The following TLCD4 variants were observed in gnomAD, a reference collection of about 807,000 sequenced individuals.
TLCD4 encodes TLC domain-containing protein 4.
In TLCD4, 7 loss-of-function variants were observed where a neutral mutation model predicts 24.2. The observed-to-expected ratio is 0.29, with a 90% CI of 0.16 to 0.54. The LOEUF (loss-of-function observed/expected upper bound fraction) is 0.54, where lower values mean the gene tolerates loss of function less well. TLCD4 is among the 20% of genes least tolerant of loss of function. The pLI, the probability that TLCD4 is intolerant of heterozygous loss-of-function variation, is 0.95. For synonymous variants in TLCD4, 103 were observed against 106.4 expected (o/e 0.97, Z 0.20); for missense variants, 259 against 313.9 (o/e 0.82, Z 1.32).
intron 1 of TLCD4, among the ~76,000 whole-genome samples, chr1:95,127,912 C>G (rs1676783068): frequency 6.6e-6 from 1 of 152,182 alleles, no homozygotes; most frequent in Non-Finnish European, 1.5e-5. Context: ...TATCCAAAAT[C>G]CAATGGCTGT....
At chr1:95,096,244 G>T in the TLCD4 span, among the ~76,000 whole-genome samples, 1 of 152,222 alleles carries the variant, frequency 6.6e-6, no homozygotes, top group Non-Finnish European at 1.5e-5. Context: ...AGGACAGAAG[G>T]TCCACTGCCT....
At chr1:95,123,316 T>C (rs1242262334) in intron 1 of TLCD4, among the ~76,000 whole-genome samples, 1 of 152,214 alleles carries the variant, frequency 6.6e-6, no homozygotes, top group African/African-American at 2.4e-5. Context: ...GATCAATTTC[T>C]TACATGCCCT....
At chr1:95,106,528 C>CT in the TLCD4 span, among the ~76,000 whole-genome samples, 1 of 152,080 alleles carries the variant, frequency 6.6e-6, no homozygotes, top group Non-Finnish European at 1.5e-5. Flanking sequence ...TGGTGAAATT[C>CT]TGTCTCTACC....
intron 5 of TLCD4, among the ~76,000 whole-genome samples, chr1:95,165,937 C>T (rs1018984226): frequency 6.6e-6 from 1 of 151,964 alleles, no homozygotes; most frequent in Non-Finnish European, 1.5e-5. Context: ...AAAGGGTTGG[C>T]TAGAAGAGTC....
chr1:95,148,598 A>G, intron 2 of TLCD4, 104 bp from the exon 3 acceptor site: 1 of 1,491,842 alleles, frequency 6.7e-7, no homozygotes, highest in African/African-American at 1.4e-5. Context: ...ACCTGTATAT[A>G]AATGCTTCCA....
At chr1:95,148,567 A>G in intron 2 of TLCD4, 135 bp from the exon 3 acceptor site, 4 of 1,190,456 alleles carry the variant, frequency 3.4e-6, no homozygotes, top group Non-Finnish European at 4.5e-6. Flanking sequence ...ATTTTGCATT[A>G]TACTCTCCGT....
chr1:95,146,809 A>G (rs1012941982), intron 2 of TLCD4, among the ~76,000 whole-genome samples: 83 of 152,258 alleles, frequency 5.5e-4, no homozygotes, highest in African/African-American at 1.8e-3. Context: ...GTACTGAATC[A>G]TACACCATTT....
intron 1 of TLCD4, among the ~76,000 whole-genome samples, chr1:95,141,231 G>A (rs1477791691): frequency 2.6e-5 from 4 of 152,026 alleles, no homozygotes; most frequent in Non-Finnish European, 5.9e-5. Context: ...TTTGGGCGAG[G>A]GTGGGATGAT....
chr1:95,163,316 C>T (rs1677892278), intron 5 of TLCD4: 1 of 152,110 alleles, frequency 6.6e-6, no homozygotes, highest in African/African-American at 2.4e-5. Flanking sequence ...GTGCATGTGT[C>T]ATATAGTTCT....
chr1:95,120,977 A>G (rs1676552742), intron 1 of TLCD4: 1 of 152,110 alleles, frequency 6.6e-6, no homozygotes, highest in African/African-American at 2.4e-5. Context: ...TGTGGGGAGC[A>G]TAGAATTGAT....
At chr1:95,170,731 A>G (rs921795808) in intron 5 of TLCD4, among the ~76,000 whole-genome samples, 11 of 152,184 alleles carry the variant, frequency 7.2e-5, no homozygotes, top group African/African-American at 2.7e-4. Flanking sequence ...CTCAAGAGTC[A>G]TATTTTAGTT....
At chr1:95,157,623 C>T (rs1307352616) in intron 5 of TLCD4, among the ~76,000 whole-genome samples, 1 of 152,168 alleles carries the variant, frequency 6.6e-6, no homozygotes, top group Non-Finnish European at 1.5e-5. Context: ...CATGTGGGTG[C>T]TGTTAAATGG....
At chr1:95,105,908 A>AAAAAAAAAAAAAAAAAG in the TLCD4 span, among the ~76,000 whole-genome samples, 2 of 150,302 alleles carry the variant, frequency 1.3e-5, no homozygotes, top group South Asian at 2.1e-4. Flanking sequence ...AAAAAAAAAA[A>AAAAAAAAAAAAAAAAAG]AAAAGAAAAG....
At position 95,191,690 on chromosome 1, in the gene TLCD4, C is replaced by T. The variant is rs1679035609; in HGVS notation, c.614C>T (p.Thr205Ile). The change falls in exon 7 of 7, where the codon ACA becomes ATA. Residue 205 changes from threonine to isoleucine, a missense_variant. Coordinates refer to ENST00000370203, the MANE Select transcript of TLCD4 (RefSeq NM_152487.3). ...HYGFMYSVYGTEPYIRLGVLI... is the reference protein window; with the variant it reads ...HYGFMYSVYGIEPYIRLGVLI... ...GGCTTCATGTATTCCGTGTATGGAA[C>T]AGAACCCTACATAAGGCTTGGAGTT... The T allele has an allele frequency of 1.9e-6, 3 of 1,614,160 alleles. No individual in the cohort carries two copies. Among genetic ancestry groups the T allele is most frequent in the Non-Finnish European group, 2.5e-6 (3 of 1,180,032 alleles).
At chr1:95,116,157 T>C (rs4326672), upstream of TLCD4, among the ~76,000 whole-genome samples, 132,782 of 152,098 alleles carry the variant, frequency 0.87, 58,072 homozygotes, top group African/African-American at 0.92. Flanking sequence ...CTCCCTGTTC[T>C]GTGGTATAGA....
chr1:95,188,389 G>GAAAA (rs60956010), intron 6 of TLCD4, among the ~76,000 whole-genome samples: 13 of 104,378 alleles, frequency 1.2e-4, no homozygotes, highest in South Asian at 3.6e-4. Flanking sequence ...CTCCGTCTCA[G>GAAAA]AAAAAAAAAA....
At chr1:95,166,276 C>T (rs188356912) in intron 5 of TLCD4, among the ~76,000 whole-genome samples, 135 of 152,232 alleles carry the variant, frequency 8.9e-4, no homozygotes, top group African/African-American at 3.1e-3. Flanking sequence ...GCCATTTCAA[C>T]CATGCCACAC....
the TLCD4 span, among the ~76,000 whole-genome samples, chr1:95,101,600 T>G: frequency 6.6e-6 from 1 of 152,126 alleles, no homozygotes; most frequent in Non-Finnish European, 1.5e-5. Context: ...GTGTTCTACC[T>G]CAAGAAACTC....
intron 5 of TLCD4, among the ~76,000 whole-genome samples, chr1:95,161,873 G>C (rs1250314747): frequency 6.6e-6 from 1 of 152,172 alleles, no homozygotes; most frequent in Non-Finnish European, 1.5e-5. Flanking sequence ...GAGACAGTTT[G>C]TTATAATTTC....
Sources: gnomAD v4.1 joint callset for allele counts (sites outside exome capture counted in the v4.1 genomes callset) on GRCh38, gnomAD v4.1.1 for gene constraint, MANE v1.5 for transcripts, NCBI Gene and HGNC (gene_info 2026-07-23, HGNC 2026-07-21) for gene names.